ARL6: variants seen among roughly 807,000 people sequenced by gnomAD.
The protein encoded by ARL6 is ARF like GTPase 6.
A neutral mutation model predicts 27.1 loss-of-function variants in ARL6; 18 were observed. The ratio of observed to expected loss-of-function variants is 0.66; its 90% CI spans 0.46 to 0.98. The LOEUF (loss-of-function observed/expected upper bound fraction) is 0.98, where lower values mean the gene tolerates loss of function less well. Ranked by LOEUF, ARL6 falls within the 50% of genes least tolerant of loss-of-function variation. The probability of loss-of-function intolerance (pLI) is 0.00; values close to 1 mark genes in which losing one functional copy is unlikely to be tolerated. For missense variants in ARL6, 187 were observed against 214.9 expected (o/e 0.87, Z 0.81); for synonymous variants, 65 against 72.3 (o/e 0.90, Z 0.51).
chr3:97,780,573 G>T, intron 3 of ARL6, 42 bp from the exon 4 acceptor site: 1 of 1,485,644 alleles, frequency 6.7e-7, no homozygotes. Flanking sequence ...TAAAAGTTAT[G>T]CTTTAGTTTA....
At chr3:97,785,915 A>G (rs1472956435) in intron 5 of ARL6, among the ~76,000 whole-genome samples, 5 of 152,222 alleles carry the variant, frequency 3.3e-5, no homozygotes, top group Admixed American at 1.3e-4. Context: ...AAATAGAAAT[A>G]GTGTGGGGCT....
At chr3:97,776,171 C>CT (rs1458749529) in intron 2 of ARL6, among the ~76,000 whole-genome samples, 3 of 152,166 alleles carry the variant, frequency 2.0e-5, no homozygotes, top group Non-Finnish European at 4.4e-5. Flanking sequence ...GAATTTACTC[C>CT]TTTTTCCTCA....
intron 1 of ARL6, among the ~76,000 whole-genome samples, chr3:97,766,374 T>C (rs956368553): frequency 6.6e-6 from 1 of 152,194 alleles, no homozygotes; most frequent in African/African-American, 2.4e-5. Context: ...TAAGCTGTAA[T>C]TTAAAGAAAT....
intron 2 of ARL6, among the ~76,000 whole-genome samples, chr3:97,774,488 A>G (rs541078626): frequency 6.6e-6 from 1 of 151,998 alleles, no homozygotes; most frequent in African/African-American, 2.4e-5. Context: ...GGAAAGGCTG[A>G]TGGCAGCATG....
rs1412096948 is a variant in ARL6 at position 97,799,978 on chromosome 3, A to G, written c.*1929A>G. 1.3e-5 allele frequency: 2 copies of G among 152,138 alleles called. No individual in the cohort carries two copies. Among genetic ancestry groups the G allele is most frequent in the East Asian group, 3.8e-4 (2 of 5,208 alleles). The allele number at this position is 152,138 out of a possible 1,614,324, so 9.4% of individuals were successfully genotyped here. ...GATGGTAGAGGGAAGGTCAGAGACT[A>G]GAGACTACTCTTTGCTTTTTTTGTT... On this transcript the variant is annotated 3_prime_UTR_variant, in exon 8 of 8. Coordinates refer to ENST00000463745, the MANE Select transcript of ARL6 (RefSeq NM_001278293.3).
intron 5 of ARL6, among the ~76,000 whole-genome samples, chr3:97,787,339 A>T (rs1347028077): frequency 6.6e-6 from 1 of 152,138 alleles, no homozygotes; most frequent in African/African-American, 2.4e-5. Context: ...AATAATATAT[A>T]ATAATTATGT....
chr3:97,792,427 G>A (rs565922038), intron 7 of ARL6, among the ~76,000 whole-genome samples: 50 of 152,172 alleles, frequency 3.3e-4, no homozygotes, highest in African/African-American at 1.1e-3. Context: ...AGGTTGCAGT[G>A]AGCCGAGATT....
In ARL6 at chr3:97,800,387, G is replaced by A. The variant is rs1276523775; in HGVS notation, c.*2338G>A. The A allele has an allele frequency of 6.6e-6, 1 of 152,092 alleles. No homozygotes were observed. The highest frequency in any genetic ancestry group is 6.5e-5 in the Admixed American group (1 of 15,268). 9.4% of individuals were successfully genotyped at this position (152,092 alleles called of 1,614,324 possible). ...AAACCTGAAGCAAGTTTTCTTTCAT[G>A]TCTAGACATCAGTGTGTTACAGAGT... On this transcript the variant is annotated 3_prime_UTR_variant, in exon 8 of 8. Transcript: ENST00000463745.
At chr3:97,776,792 G>A (rs1030097733) in intron 2 of ARL6, among the ~76,000 whole-genome samples, 2 of 152,076 alleles carry the variant, frequency 1.3e-5, no homozygotes, top group South Asian at 4.1e-4. Context: ...GAGTAGCTGG[G>A]ATTACAGGCA....
intron 4 of ARL6, 79 bp downstream of exon 4, chr3:97,780,762 C>G: frequency 8.7e-7 from 1 of 1,155,228 alleles, no homozygotes; most frequent in South Asian, 1.3e-5. Flanking sequence ...AATTATATGG[C>G]TAGGTTGTTT....
In ARL6 at chr3:97,798,393, T is replaced by A. The variant is rs1222765903; in HGVS notation, c.*344T>A. ...ATATTTTATTTTTTAATTGTCTTTT[T>A]AAAAAATTTAGTTTATGACTTTGCA... On this transcript the variant is annotated 3_prime_UTR_variant, in exon 8 of 8. Transcript: ENST00000463745. 5 of 166,854 alleles carry A rather than the reference T, an allele frequency of 3.0e-5. No homozygotes were observed. The highest frequency in any genetic ancestry group is 3.9e-5 in the Non-Finnish European group (3 of 77,524). The allele number at this position is 166,854 out of a possible 1,614,324, so 10.3% of individuals were successfully genotyped here.
In ARL6 at chr3:97,799,186, A is replaced by C. The variant is rs1490567552; in HGVS notation, c.*1137A>C. On this transcript the variant is annotated 3_prime_UTR_variant, in exon 8 of 8. Transcript: ENST00000463745. ...GTAATATACAATATATACCATCTCA[A>C]GTATGCTTAGCTTTGAAAATGATGA... 6.6e-6 allele frequency: 1 copy of C among 152,044 alleles called. No homozygotes were observed. Among genetic ancestry groups the C allele is most frequent in the African/African-American group, 2.4e-5 (1 of 41,436 alleles). The allele number at this position is 152,044 out of a possible 1,614,324, so 9.4% of individuals were successfully genotyped here. A position where few individuals can be genotyped will look rare whatever the true frequency, so the allele number is the denominator to read the frequency against.
intron 7 of ARL6, among the ~76,000 whole-genome samples, chr3:97,792,440 G>A (rs550392365): frequency 4.2e-4 from 64 of 152,172 alleles, no homozygotes; most frequent in Middle Eastern, 3.4e-3. Flanking sequence ...CCGAGATTGC[G>A]CCACAGCACT....
rs142258123 is a variant in ARL6 at position 97,788,005 on chromosome 3, G to A, written c.365G>A (p.Arg122Gln). ...TCTCTTTTAGATATTAAACACCGTC[G>A]AATTCCAATCTTATTCTTTGCAAAT... ...LLNHPDIKHR[R>Q]IPILFFANKM... The change falls in exon 6 of 8, where the codon CGA becomes CAA. Residue 122 changes from arginine (R) to glutamine (Q), a missense_variant. Physicochemically the swap from Arg to Gln is conservative, Grantham distance 43 (BLOSUM62 1). Transcript: ENST00000463745. The A allele has an allele frequency of 3.6e-5, 58 of 1,613,080 alleles. No homozygotes were observed. Among genetic ancestry groups the A allele is most frequent in the African/African-American group, 2.7e-4 (20 of 74,862 alleles).
intron 4 of ARL6, among the ~76,000 whole-genome samples, chr3:97,782,704 T>C (rs1019737457): frequency 6.6e-6 from 1 of 151,662 alleles, no homozygotes; most frequent in African/African-American, 2.4e-5. Flanking sequence ...TGACCAGGGC[T>C]TATGGGCAAA....
intron 2 of ARL6, among the ~76,000 whole-genome samples, chr3:97,779,832 C>T (rs1011382776): frequency 6.6e-6 from 1 of 151,132 alleles, no homozygotes; most frequent in Non-Finnish European, 1.5e-5. Context: ...CGCCACTGCT[C>T]TCCAGCCTGG....
At chr3:97,784,592 G>A (rs887216211) in intron 4 of ARL6, among the ~76,000 whole-genome samples, 4 of 151,602 alleles carry the variant, frequency 2.6e-5, no homozygotes, top group Non-Finnish European at 4.4e-5. Context: ...TACACAAAGT[G>A]TAGCTTTATA....
chr3:97,794,519 G>A (rs1243856792), intron 7 of ARL6, among the ~76,000 whole-genome samples: 1 of 151,792 alleles, frequency 6.6e-6, no homozygotes, highest in Non-Finnish European at 1.5e-5. Context: ...CGGCCACTTT[G>A]GTTATATTTT....
chr3:97,769,169 A>T (rs2036526205), intron 2 of ARL6, among the ~76,000 whole-genome samples: 2 of 152,104 alleles, frequency 1.3e-5, no homozygotes, highest in African/African-American at 2.4e-5. Flanking sequence ...CTAGGTAAGT[A>T]GTTCTTTCCT....
Sources: gnomAD v4.1 joint callset for allele counts (sites outside exome capture counted in the v4.1 genomes callset) on GRCh38, gnomAD v4.1.1 for gene constraint, MANE v1.5 for transcripts, NCBI Gene and HGNC (gene_info 2026-07-23, HGNC 2026-07-21) for gene names.